The following NREP variants were observed in gnomAD, a reference collection of about 807,000 sequenced individuals.
The protein encoded by NREP is neuronal regeneration-related protein.
In NREP, 5 loss-of-function variants were observed where a neutral mutation model predicts 8.6. The observed-to-expected ratio is 0.58, with a 90% confidence interval of 0.30 to 1.22. The LOEUF (loss-of-function observed/expected upper bound fraction) is 1.22, where lower values mean the gene tolerates loss of function less well. Among genes scored for constraint, NREP ranks in the 50% most tolerant of loss-of-function variants. The pLI is 0.07. For missense variants in NREP, 86 were observed against 82.5 expected (o/e 1.04, Z -0.17); for synonymous variants, 27 against 28.0 (o/e 0.96, Z 0.11).
chr5:111,786,653 A>C (rs1751619370), intron 2 of NREP, among the ~76,000 whole-genome samples: 1 of 152,188 alleles, frequency 6.6e-6, no homozygotes, highest in African/African-American at 2.4e-5. Context: ...CAATGTCCTT[A>C]AAATTTAGCA....
intron 1 of NREP, 100 bp downstream of exon 1, chr5:111,757,036 C>G (rs1750757174): frequency 5.8e-6 from 1 of 173,828 alleles, no homozygotes; most frequent in South Asian, 1.9e-4. Context: ...GAAGCATGAA[C>G]TCTGCAGGGT....
intron 2 of NREP, among the ~76,000 whole-genome samples, chr5:111,902,498 C>T (rs1158510881): frequency 1.3e-5 from 2 of 151,944 alleles, no homozygotes; most frequent in African/African-American, 4.8e-5. Flanking sequence ...CAGATATGAT[C>T]CTGAAGACAA....
chr5:111,903,083 T>TC (rs1754687340), intron 2 of NREP, among the ~76,000 whole-genome samples: 1 of 100,626 alleles, frequency 9.9e-6, no homozygotes, highest in African/African-American at 6.0e-5. Flanking sequence ...GTCTTTTCTC[T>TC]TTTTTTTTTT....
chr5:111,878,003 C>G (rs1753952809), intron 2 of NREP, among the ~76,000 whole-genome samples: 1 of 152,146 alleles, frequency 6.6e-6, no homozygotes, highest in African/African-American at 2.4e-5. Flanking sequence ...GCAAGGAGGA[C>G]AGTTTAAACG....
intron 2 of NREP, among the ~76,000 whole-genome samples, chr5:111,896,192 C>T (rs903481752): frequency 1.1e-4 from 16 of 152,150 alleles, no homozygotes; most frequent in Admixed American, 5.9e-4. Flanking sequence ...ATGTGCAAAA[C>T]GTTGACTTGG....
chr5:111,824,503 C>A (rs1752577672), intron 2 of NREP, among the ~76,000 whole-genome samples: 1 of 152,154 alleles, frequency 6.6e-6, no homozygotes, highest in African/African-American at 2.4e-5. Context: ...CAAACAGAAG[C>A]ATTGGGATGG....
intron 2 of NREP, among the ~76,000 whole-genome samples, chr5:111,889,323 AACTC>A (rs1450724919): frequency 1.3e-5 from 2 of 152,170 alleles, no homozygotes; most frequent in South Asian, 4.1e-4. Context: ...ATCTCATGAT[AACTC>A]ACTCACTATA....
chr5:111,803,336 A>G (rs1373885033), intron 2 of NREP, among the ~76,000 whole-genome samples: 1 of 152,228 alleles, frequency 6.6e-6, no homozygotes, highest in Admixed American at 6.5e-5. Context: ...GGAGAAGAAA[A>G]AATTCACTGA....
At chr5:111,907,049 C>T (rs1053428941) in intron 2 of NREP, among the ~76,000 whole-genome samples, 6 of 152,060 alleles carry the variant, frequency 3.9e-5, no homozygotes, top group African/African-American at 1.2e-4. Context: ...AGATTATAGG[C>T]ATGAGCCATC....
chr5:111,937,300 A>T (rs1242107025), intron 2 of NREP, among the ~76,000 whole-genome samples: 4 of 152,094 alleles, frequency 2.6e-5, no homozygotes, highest in African/African-American at 9.7e-5. Context: ...TTCTCACTGG[A>T]ATAACTTCCA....
intron 2 of NREP, among the ~76,000 whole-genome samples, chr5:111,917,564 T>G (rs2112573321): frequency 6.6e-6 from 1 of 152,214 alleles, no homozygotes; most frequent in South Asian, 2.1e-4. Flanking sequence ...CACACAGAAA[T>G]CAATAAATGT....
chr5:111,789,634 T>C (rs1751694124), intron 2 of NREP, among the ~76,000 whole-genome samples: 1 of 152,194 alleles, frequency 6.6e-6, no homozygotes, highest in Non-Finnish European at 1.5e-5. Flanking sequence ...GTAAAGCATA[T>C]AGACCCCCAT....
At chr5:111,850,913 G>A (rs1250253028) in intron 2 of NREP, among the ~76,000 whole-genome samples, 1 of 152,140 alleles carries the variant, frequency 6.6e-6, no homozygotes, top group African/African-American at 2.4e-5. Context: ...TTAATCACTA[G>A]GTGTGTGATC....
At chr5:111,946,882 T>C (rs114849323) in intron 2 of NREP, among the ~76,000 whole-genome samples, 1,588 of 152,144 alleles carry the variant, frequency 0.01, 29 homozygotes, top group African/African-American at 0.036. Flanking sequence ...TCCAGTTTTG[T>C]AGTCAACCAA....
intron 2 of NREP, among the ~76,000 whole-genome samples, chr5:111,753,791 C>A (rs1750530259): frequency 6.6e-6 from 1 of 151,854 alleles, no homozygotes; most frequent in Non-Finnish European, 1.5e-5. Context: ...TACAGAGGTC[C>A]ACAAAGTAAT....
chr5:111,932,091 A>G (rs1437826295), intron 2 of NREP, among the ~76,000 whole-genome samples: 1 of 150,704 alleles, frequency 6.6e-6, no homozygotes, highest in East Asian at 2.0e-4. Context: ...AAAATAAAGC[A>G]TATTAAAGAC....
intron 2 of NREP, among the ~76,000 whole-genome samples, chr5:111,871,167 G>A (rs1435667581): frequency 6.6e-6 from 1 of 151,626 alleles, no homozygotes; most frequent in Non-Finnish European, 1.5e-5. Context: ...ATATCATAGA[G>A]TGTACATACA....
At chr5:111,747,571 T>G (rs1394653993) in intron 2 of NREP, among the ~76,000 whole-genome samples, 2 of 152,016 alleles carry the variant, frequency 1.3e-5, no homozygotes, top group African/African-American at 4.8e-5. Context: ...ACATTATGAG[T>G]CTCCCTGTTG....
At chr5:111,828,009 T>C (rs1257304043) in intron 2 of NREP, among the ~76,000 whole-genome samples, 1 of 152,142 alleles carries the variant, frequency 6.6e-6, no homozygotes, top group Non-Finnish European at 1.5e-5. Flanking sequence ...GGTAACTTGA[T>C]ACAAAATATA....
Sources: gnomAD v4.1 joint callset for allele counts (sites outside exome capture counted in the v4.1 genomes callset) on GRCh38, gnomAD v4.1.1 for gene constraint, MANE v1.5 for transcripts, NCBI Gene and HGNC (gene_info 2026-07-23, HGNC 2026-07-21) for gene names.